TENM2: variants seen among roughly 807,000 people sequenced by gnomAD.
TENM2 encodes teneurin transmembrane protein 2.
A neutral mutation model predicts 245.2 loss-of-function variants in TENM2; 52 were observed. The observed-to-expected ratio is 0.21, with a 90% CI of 0.17 to 0.27. The LOEUF is 0.27. Among genes scored for constraint, TENM2 ranks in the 10% least tolerant of loss-of-function variants. The probability of loss-of-function intolerance (pLI) is 1.00; values close to 1 mark genes in which losing one functional copy is unlikely to be tolerated. For missense variants in TENM2, 3,046 were observed against 3,666.8 expected (o/e 0.83, Z 4.37); for synonymous variants, 1,363 against 1,438.9 (o/e 0.95, Z 1.19).
chr5:167,481,824 C>T (rs1767776450), intron 2 of TENM2, among the ~76,000 whole-genome samples: 3 of 152,110 alleles, frequency 2.0e-5, no homozygotes, highest in Admixed American at 6.5e-5. Flanking sequence ...AAAAATTATG[C>T]TAAATTGTTA....
At chr5:167,941,046 A>G (rs1398716120) in intron 3 of TENM2, among the ~76,000 whole-genome samples, 1 of 152,234 alleles carries the variant, frequency 6.6e-6, no homozygotes, top group Non-Finnish European at 1.5e-5. Flanking sequence ...GATAAATACT[A>G]GAATGTTTCA....
intron 2 of TENM2, among the ~76,000 whole-genome samples, chr5:167,530,409 G>A (rs553201985): frequency 6.6e-6 from 1 of 152,316 alleles, no homozygotes; most frequent in African/African-American, 2.4e-5. Context: ...TTAGTTCTGT[G>A]TGTTAGGCCC....
intron 3 of TENM2, among the ~76,000 whole-genome samples, chr5:167,901,213 T>C (rs1435891659): frequency 6.6e-6 from 1 of 152,130 alleles, no homozygotes; most frequent in Admixed American, 6.5e-5. Context: ...ACACGCTTTT[T>C]CAGTTTATCT....
intron 2 of TENM2, among the ~76,000 whole-genome samples, chr5:167,851,804 T>A (rs1770607805): frequency 6.6e-6 from 1 of 152,244 alleles, no homozygotes; most frequent in Admixed American, 6.5e-5. Flanking sequence ...TTCCTTCGTC[T>A]TCCCTTCATT....
At chr5:167,396,171 T>C (rs1762038476) in intron 2 of TENM2, among the ~76,000 whole-genome samples, 1 of 152,192 alleles carries the variant, frequency 6.6e-6, no homozygotes, top group African/African-American at 2.4e-5. Context: ...AAAGTCATTG[T>C]AGCATTATTC....
At position 167,520,851 on chromosome 5, in the gene TENM2, T is replaced by A. The variant is rs550869022; in HGVS notation, c.502+145378T>A. ...GCCTTTCACTTTCAGCTCCAATTTT[T>A]AACGACTTAATTCTCTCCCGGTACC... On this transcript the variant is annotated intron_variant, in intron 2 of 28. Transcript: ENST00000518659. 1.4e-3 allele frequency among the ~76,000 whole-genome samples: 216 copies of A among 151,974 alleles called. 1 individual carries two copies. The highest frequency in any genetic ancestry group is 2.5e-3 in the Non-Finnish European group (171 of 67,946).
chr5:167,948,781 A>C (rs1779846556), intron 3 of TENM2: 1 of 152,232 alleles, frequency 6.6e-6, no homozygotes, highest in Non-Finnish European at 1.5e-5. Context: ...AGTAATATGC[A>C]CATTAATTAA....
At chr5:167,199,609 G>T in the TENM2 span, among the ~76,000 whole-genome samples, 1 of 152,126 alleles carries the variant, frequency 6.6e-6, no homozygotes, top group East Asian at 1.9e-4. Flanking sequence ...CTCCACATCT[G>T]CTGTTACTCT....
At chr5:167,531,579 C>A (rs1342863023) in intron 2 of TENM2, among the ~76,000 whole-genome samples, 1 of 151,738 alleles carries the variant, frequency 6.6e-6, no homozygotes, top group African/African-American at 2.4e-5. Flanking sequence ...CAATATATTT[C>A]CAGAACTTAT....
chr5:167,858,802 C>T (rs1177356583), intron 2 of TENM2, among the ~76,000 whole-genome samples: 1 of 149,704 alleles, frequency 6.7e-6, no homozygotes, highest in African/African-American at 2.4e-5. Flanking sequence ...TTTGCCGCCG[C>T]GCCGGCGAGC....
intron 2 of TENM2, among the ~76,000 whole-genome samples, chr5:167,610,252 G>A (rs561086304): frequency 6.6e-5 from 10 of 152,178 alleles, no homozygotes; most frequent in African/African-American, 2.4e-4. Context: ...CACCCTCCAG[G>A]AACCCCCGTG....
chr5:167,159,077 CAA>C, the TENM2 span, among the ~76,000 whole-genome samples: 2 of 151,700 alleles, frequency 1.3e-5, no homozygotes, highest in Non-Finnish European at 2.9e-5. Flanking sequence ...CTCAGACTCC[CAA>C]GTAGCTGGGA....
chr5:167,651,893 C>A (rs1664725165), intron 2 of TENM2, among the ~76,000 whole-genome samples: 1 of 152,076 alleles, frequency 6.6e-6, no homozygotes, highest in African/African-American at 2.4e-5. Flanking sequence ...TATACTGAAC[C>A]CACCAGAAGA....
upstream of TENM2, among the ~76,000 whole-genome samples, chr5:167,281,202 G>T (rs1452869527): frequency 6.6e-6 from 1 of 151,008 alleles, no homozygotes; most frequent in Non-Finnish European, 1.5e-5. Context: ...TCCGCTTTCC[G>T]GGTTCAAGCA....
chr5:167,065,614 C>G, the TENM2 span, among the ~76,000 whole-genome samples: 66,060 of 151,986 alleles, frequency 0.43, 14,988 homozygotes, highest in African/African-American at 0.52. Flanking sequence ...ACAAATAATA[C>G]ATAGTGATGG....
chr5:167,350,889 A>ATATACATATGGATATATATATATGGAT, intron 1 of TENM2, among the ~76,000 whole-genome samples: 1 of 42,958 alleles, frequency 2.3e-5, no homozygotes, highest in African/African-American at 6.6e-5. Context: ...TATATATGGG[A>ATATACATATGGATATATATATATGGAT]TGTATACATA....
chr5:167,557,230 T>A (rs1467430683), intron 2 of TENM2, among the ~76,000 whole-genome samples: 3 of 152,222 alleles, frequency 2.0e-5, no homozygotes, highest in African/African-American at 7.2e-5. Context: ...AATTTTAATA[T>A]AAAAATCTTA....
At chr5:167,148,956 C>G in the TENM2 span, among the ~76,000 whole-genome samples, 1 of 151,866 alleles carries the variant, frequency 6.6e-6, no homozygotes, top group Non-Finnish European at 1.5e-5. Context: ...CTAAGTTAGT[C>G]AGTTAATTTT....
At chr5:167,411,824 C>T (rs886314432) in intron 2 of TENM2, among the ~76,000 whole-genome samples, 2 of 151,964 alleles carry the variant, frequency 1.3e-5, no homozygotes, top group Non-Finnish European at 2.9e-5. Context: ...GAAACAATCA[C>T]GAGTTAACTT....
Sources: gnomAD v4.1 joint callset for allele counts (sites outside exome capture counted in the v4.1 genomes callset) on GRCh38, gnomAD v4.1.1 for gene constraint, MANE v1.5 for transcripts, NCBI Gene and HGNC (gene_info 2026-07-23, HGNC 2026-07-21) for gene names.